The following SLC6A12 variants were observed in gnomAD, a reference collection of about 807,000 sequenced individuals.
The protein encoded by SLC6A12 is sodium- and chloride-dependent betaine transporter.
In SLC6A12, 50 loss-of-function variants were observed where a neutral mutation model predicts 73.3. The observed-to-expected ratio is 0.68, with a 90% CI of 0.54 to 0.86. SLC6A12 has a LOEUF of 0.86. Among genes scored for constraint, SLC6A12 ranks in the 40% least tolerant of loss-of-function variants. The probability of loss-of-function intolerance (pLI) is 0.00; values close to 1 mark genes in which losing one functional copy is unlikely to be tolerated. For synonymous variants in SLC6A12, 304 were observed against 309.2 expected, an observed-to-expected ratio of 0.98 and a Z score of 0.18; for missense variants, 648 against 772.8, an observed-to-expected ratio of 0.84 and a Z score of 1.92.
chr12:193,008 C>A (rs1939683222), intron 14 of SLC6A12: 2 of 523,226 alleles, frequency 3.8e-6, no homozygotes, highest in Non-Finnish European at 6.9e-6. Context: ...AGACAGGAGA[C>A]CAACCATCGA....
At position 204,671 on chromosome 12, in the gene SLC6A12, A is replaced by C. The variant is rs1175258804; in HGVS notation, c.242T>G (p.Phe81Cys). Residue 81 changes from phenylalanine to cysteine, a missense_variant, in exon 4 of 16, where the codon TTC becomes TGC. Transcript: ENST00000684302. Reference protein sequence around the residue: ...GGAFFIPYFIFFFVCGIPVFF... With the variant: ...GGAFFIPYFICFFVCGIPVFF... ...CACCGGGATGCCGCAGACAAAGAAG[A>C]AGATGAAGTAGGGGATGAAGAAGGC... 1 of 1,614,186 alleles carries C rather than the reference A, an allele frequency of 6.2e-7. No homozygotes were observed.
Position 198,644 on chromosome 12 carries a change from C to CT in SLC6A12, c.846+152dup. ...GAATTACAAGAGATTTTTTTAGTTT[C>CT]TTTTTTATAGCTTTCTTCCATATTT... On this transcript the variant is annotated intron_variant, in intron 8 of 15. Transcript: ENST00000684302. This position sits in a 1 kb window ranked among gnomAD's most constrained non-coding sequence, Gnocchi z 4.0. The CT allele has an allele frequency of 1.4e-6, 1 of 691,524 alleles. No individual in the cohort carries two copies. The highest frequency in any genetic ancestry group is 2.8e-5 in the East Asian group (1 of 36,172). The allele number at this position is 691,524 out of a possible 1,614,324, so 42.8% of individuals were successfully genotyped here. A position where few individuals can be genotyped will look rare whatever the true frequency, so the allele number is the denominator to read the frequency against.
At chr12:187,686 T>G (rs1284290483), downstream of SLC6A12, among the ~76,000 whole-genome samples, 1 of 145,036 alleles carries the variant, frequency 6.9e-6, no homozygotes, top group African/African-American at 2.6e-5. Context: ...GGGTTACCAC[T>G]AGGGCCTCCG....
At chr12:208,608 G>A (rs1220396788) in intron 3 of SLC6A12, among the ~76,000 whole-genome samples, 2 of 152,112 alleles carry the variant, frequency 1.3e-5, no homozygotes, top group East Asian at 1.9e-4. Context: ...AAAGGACGGC[G>A]CATTGAACGA....
chr12:198,067 G>T lies in SLC6A12; in HGVS notation c.847-64C>A. 1 of 1,341,322 alleles carries T rather than the reference G, an allele frequency of 7.5e-7. No homozygotes were observed. Among genetic ancestry groups the T allele is most frequent in the South Asian group, 1.2e-5 (1 of 83,944 alleles). 83.1% of individuals were successfully genotyped at this position (1,341,322 alleles called of 1,614,324 possible). ...AGGGCCCAGAGCCAGGGTGACCCGA[G>T]ATCCAGACCCGTCCCCTGCAGCACC... On this transcript the variant is annotated intron_variant, in intron 8 of 15. Coordinates refer to ENST00000684302, the MANE Select transcript of SLC6A12 (RefSeq NM_001122848.3). The surrounding 1 kb of genome is among the most constrained non-coding windows in gnomAD (Gnocchi z 4.0).
intron 4 of SLC6A12, 56 bp downstream of exon 4, chr12:204,508 G>C (rs932254272): frequency 2.6e-6 from 4 of 1,548,720 alleles, no homozygotes; most frequent in Non-Finnish European, 3.6e-6. Context: ...GAGACCATGG[G>C]GGGATGCAGG....
chr12:212,457 T>C (rs188112732), intron 1 of SLC6A12, among the ~76,000 whole-genome samples: 93 of 152,080 alleles, frequency 6.1e-4, no homozygotes, highest in Admixed American at 1.7e-3. Context: ...TCATCAGAAA[T>C]AGGGGAAGTG....
chr12:200,183 ACTGCAAG>A (rs1319263234), intron 7 of SLC6A12, among the ~76,000 whole-genome samples: 1 of 135,926 alleles, frequency 7.4e-6, no homozygotes, highest in Admixed American at 8.9e-5. Context: ...ATCTCGGCTC[ACTGCAAG>A]CTCCGCCTCC....
At chr12:209,635 A>G (rs748544222) in intron 3 of SLC6A12, 138 bp downstream of exon 3, 6 of 828,272 alleles carry the variant, frequency 7.2e-6, no homozygotes, top group Non-Finnish European at 1.2e-5. Flanking sequence ...TGGAGCTGGA[A>G]CTCAAACTCA....
chr12:207,919 C>A (rs74057615), intron 3 of SLC6A12, among the ~76,000 whole-genome samples: 1 of 152,102 alleles, frequency 6.6e-6, no homozygotes, highest in Non-Finnish European at 1.5e-5. Flanking sequence ...AATGTTACTG[C>A]GGGTACTCAT....
In SLC6A12 at chr12:197,392, CAGAAA is replaced by C; in HGVS notation, c.1055_1059del (p.Ile352ArgfsTer99). 1 of 1,613,540 alleles carries C rather than the reference CAGAAA, an allele frequency of 6.2e-7. No individual in the cohort carries two copies. Among genetic ancestry groups the C allele is most frequent in the Non-Finnish European group, 8.5e-7 (1 of 1,179,712 alleles). On this transcript the variant is annotated frameshift_variant, in exon 10 of 16. Coordinates refer to ENST00000684302, the MANE Select transcript of SLC6A12 (RefSeq NM_001122848.3). LOFTEE classifies it high-confidence loss of function. ...TGGCACCTACCTGACTCGGCCACTT[CAGAAA>C]TGGGCACCCCTTGCTCTTGGGACAT...
At chr12:208,739 C>G (rs200226303) in intron 3 of SLC6A12, among the ~76,000 whole-genome samples, 1 of 152,062 alleles carries the variant, frequency 6.6e-6, no homozygotes, top group Non-Finnish European at 1.5e-5. Context: ...GGATTTCTTT[C>G]GGGGATGATG....
Position 190,160 on chromosome 12 carries a change from GT to G in SLC6A12, c.*907del, listed in dbSNP as rs1214879849. 6.6e-6 allele frequency: 1 copy of G among 152,220 alleles called. No individual in the cohort carries two copies. Among genetic ancestry groups the G allele is most frequent in the African/African-American group, 2.4e-5 (1 of 41,456 alleles). The allele number at this position is 152,220 out of a possible 1,614,324, so 9.4% of individuals were successfully genotyped here. On this transcript the variant is annotated 3_prime_UTR_variant, in exon 16 of 16. Coordinates refer to ENST00000684302, the MANE Select transcript of SLC6A12 (RefSeq NM_001122848.3). ...ACTGGCCTGAGCACAAGGAGATAAG[GT>G]TTTAGTCATATCTCTGGCCCCCAAG...
downstream of SLC6A12, among the ~76,000 whole-genome samples, chr12:188,854 AC>A (rs1293199892): frequency 2.7e-5 from 4 of 150,110 alleles, no homozygotes; most frequent in African/African-American, 4.9e-5. Flanking sequence ...CCTTTCCCGC[AC>A]CCCCCTCCCC....
At chr12:186,749 G>A (rs923417579), downstream of SLC6A12, among the ~76,000 whole-genome samples, 1 of 152,234 alleles carries the variant, frequency 6.6e-6, no homozygotes, top group African/African-American at 2.4e-5. Context: ...CTATTGAGAT[G>A]TAGCTCTGAA....
chr12:187,612 A>G (rs1321952048), downstream of SLC6A12, among the ~76,000 whole-genome samples: 1 of 16,292 alleles, frequency 6.1e-5, no homozygotes, highest in African/African-American at 9.3e-5. Context: ...AAAAAAAAAA[A>G]AAAAAAAAAA....
rs1171613841 is a variant in SLC6A12, at chr12:197,983, G to T, written c.867C>A (p.Thr289=). 6.2e-7 allele frequency: 1 copy of T among 1,613,710 alleles called. No individual in the cohort carries two copies. The highest frequency in any genetic ancestry group is 8.5e-7 in the Non-Finnish European group (1 of 1,179,894). The stretch of plus-strand genomic sequence containing the variant: ...AGATGGCAAAGGAGAAGAAGATCTG[G>T]GTGCCCGCATCCATCCACACCTACA... ...KDPQVWMDAG[T]QIFFSFAICQ... Residue 289 remains threonine (T), a synonymous_variant, in exon 9 of 16, where the codon ACC becomes ACA. Transcript: ENST00000684302.
At chr12:192,347 CTG>C (rs1939638230) in intron 15 of SLC6A12, 129 bp downstream of exon 15, 2 of 756,840 alleles carry the variant, frequency 2.6e-6, no homozygotes, top group Non-Finnish European at 4.4e-6. Context: ...CGTTAAGATT[CTG>C]TGAGACTGAA....
At position 192,038 on chromosome 12, in the gene SLC6A12, C is replaced by G. The variant is rs886953818; in HGVS notation, c.1701+440G>C. Among the ~76,000 whole-genome samples, 14 of 152,216 alleles carry G rather than the reference C, an allele frequency of 9.2e-5. 1 individual carries two copies. Among genetic ancestry groups the G allele is most frequent in the Admixed American group, 7.2e-4 (11 of 15,278 alleles). On this transcript the variant is annotated intron_variant, in intron 15 of 15. Coordinates refer to ENST00000684302, the MANE Select transcript of SLC6A12 (RefSeq NM_001122848.3). ...GTCCCAAACTCTAGACAGGGAGCCT[C>G]TTGCGTGTGTCCCCAGGCAGAGTTA...
Sources: allele counts gnomAD v4.1 joint callset (sites outside exome capture counted in the v4.1 genomes callset), GRCh38; gene constraint gnomAD v4.1.1; non-coding constraint Gnocchi (gnomAD v3.1); transcripts MANE v1.5; gene names NCBI Gene and HGNC (gene_info 2026-07-23, HGNC 2026-07-21).